PARP1: variants seen among roughly 807,000 people sequenced by gnomAD.
The protein encoded by PARP1 is poly(ADP-ribose) polymerase 1.
In PARP1, 44 loss-of-function variants were observed where a neutral mutation model predicts 118.7. The observed-to-expected ratio is 0.37, with a 90% confidence interval of 0.29 to 0.48. The LOEUF (loss-of-function observed/expected upper bound fraction) is 0.48. Ranked by LOEUF, PARP1 falls within the 20% of genes least tolerant of loss-of-function variation. The pLI is 0.99. For missense variants in PARP1, 1,100 were observed against 1,272.4 expected (o/e 0.86, Z 2.06); for synonymous variants, 492 against 483.2 (o/e 1.02, Z -0.24).
At chr1:226,369,709 C>A (rs1664339067) in intron 15 of PARP1, among the ~76,000 whole-genome samples, 1 of 152,012 alleles carries the variant, frequency 6.6e-6, no homozygotes, top group African/African-American at 2.4e-5. Context: ...AATCCCAGCA[C>A]TTTGGGAGGC....
At chr1:226,368,859 TGGTGCTCTATATGCAAA>T (rs1369559726) in intron 15 of PARP1, among the ~76,000 whole-genome samples, 1 of 152,194 alleles carries the variant, frequency 6.6e-6, no homozygotes, top group Non-Finnish European at 1.5e-5. Flanking sequence ...CAGTGTCACT[TGGTGCTCTATATGCAAA>T]GGGTGCACAA....
intron 9 of PARP1, 142 bp downstream of exon 9, chr1:226,380,926 T>C: frequency 1.1e-6 from 1 of 916,456 alleles, no homozygotes. Flanking sequence ...AATACTGGTT[T>C]CCCTTCATAA....
At chr1:226,370,556 T>G in intron 14 of PARP1, 39 bp from the exon 15 acceptor site, 1 of 1,520,892 alleles carries the variant, frequency 6.6e-7, no homozygotes, top group South Asian at 1.1e-5. Flanking sequence ...AGCTGGGCAC[T>G]GTGCAGTGTG....
chr1:226,373,984 C>A (rs1187705405), intron 14 of PARP1, among the ~76,000 whole-genome samples: 1 of 152,030 alleles, frequency 6.6e-6, no homozygotes, highest in African/African-American at 2.4e-5. Context: ...GACTAGGGAC[C>A]AGGAACAACT....
At chr1:226,391,754 G>A (rs1453024376) in intron 3 of PARP1, among the ~76,000 whole-genome samples, 2 of 152,170 alleles carry the variant, frequency 1.3e-5, no homozygotes, top group Non-Finnish European at 2.9e-5. Flanking sequence ...CCTTCTACCT[G>A]TGTGTCCATC....
intron 7 of PARP1, 137 bp from the exon 8 acceptor site, chr1:226,383,320 A>G: frequency 2.8e-6 from 2 of 720,754 alleles, no homozygotes; most frequent in Non-Finnish European, 4.8e-6. Context: ...AAAAAATAGA[A>G]AAATGTGAGG....
At position 226,360,853 on chromosome 1, in the gene PARP1, A is replaced by G. The variant is rs8679; in HGVS notation, c.*607T>C. The G allele has an allele frequency of 0.18, 40,832 of 227,816 alleles. 4,488 individuals are homozygous for G. Among genetic ancestry groups the G allele is most frequent in the Middle Eastern group, 0.28 (210 of 756 alleles). The allele number at this position is 227,816 out of a possible 1,614,324, so 14.1% of individuals were successfully genotyped here. On this transcript the variant is annotated 3_prime_UTR_variant, in exon 23 of 23. Coordinates refer to ENST00000366794, the MANE Select transcript of PARP1 (RefSeq NM_001618.4). ...TATTTCAAGAGCTCCCATGTTCAGT[A>G]TTCCTGGAGAAGGAAAGCTCTTTTT...
chr1:226,360,971 C>T lies in PARP1; in HGVS notation c.*489G>A, dbSNP rs1476775827. On this transcript the variant is annotated 3_prime_UTR_variant, in exon 23 of 23. Transcript: ENST00000366794. ...CAAACAAAAAAAACTAAAAAGGGGA[C>T]AATAAGTGCAAGATAAAAAAGAAAA... 8.8e-6 allele frequency: 2 copies of T among 227,004 alleles called. No homozygotes were observed. Among genetic ancestry groups the T allele is most frequent in the Non-Finnish European group, 1.8e-5 (2 of 113,840 alleles). The allele number at this position is 227,004 out of a possible 1,614,324, so 14.1% of individuals were successfully genotyped here.
At chr1:226,374,545 ACT>A (rs898133441) in intron 13 of PARP1, among the ~76,000 whole-genome samples, 191 bp from the exon 14 acceptor site, 2 of 152,002 alleles carry the variant, frequency 1.3e-5, no homozygotes, top group Admixed American at 1.3e-4. Flanking sequence ...CATGGGTCAG[ACT>A]CTTCCTGTGC....
chr1:226,385,756 G>A (rs1296643780), intron 6 of PARP1, 76 bp from the exon 7 acceptor site: 3 of 1,326,414 alleles, frequency 2.3e-6, no homozygotes, highest in Non-Finnish European at 3.2e-6. Context: ...GTGGGATGGA[G>A]GAACTTGCAC....
chr1:226,389,251 G>A (rs1299720701), intron 4 of PARP1, among the ~76,000 whole-genome samples: 3 of 151,888 alleles, frequency 2.0e-5, no homozygotes, highest in African/African-American at 7.3e-5. Context: ...ACAGAGGTGG[G>A]GCTGTACTGC....
At chr1:226,371,995 G>A (rs1417799322) in intron 14 of PARP1, among the ~76,000 whole-genome samples, 1 of 152,222 alleles carries the variant, frequency 6.6e-6, no homozygotes, top group Non-Finnish European at 1.5e-5. Flanking sequence ...GAGAGAAACA[G>A]AAAAGTGGGA....
chr1:226,390,620 T>C lies in PARP1; in HGVS notation c.407A>G (p.Gln136Arg), dbSNP rs1394109227. 6.2e-7 allele frequency: 1 copy of C among 1,613,874 alleles called. No homozygotes were observed. Among genetic ancestry groups the C allele is most frequent in the Non-Finnish European group, 8.5e-7 (1 of 1,179,904 alleles). Residue 136 changes from glutamine to arginine, a missense_variant, in exon 4 of 23, where the codon CAG becomes CGG. Coordinates refer to ENST00000366794, the MANE Select transcript of PARP1 (RefSeq NM_001618.4). Reference protein sequence around the residue: ...KGCMEKIEKGQVRLSKKMVDP... With the variant: ...KGCMEKIEKGRVRLSKKMVDP... ...CACCATCTTCTTGGACAGGCGCACC[T>C]GGCCCTGCAGGAAAAACCATATGTG...
intron 1 of PARP1, among the ~76,000 whole-genome samples, chr1:226,403,602 C>A (rs899454504): frequency 6.6e-6 from 1 of 152,214 alleles, no homozygotes. Context: ...TGGGTGGGAA[C>A]CAGCCCTTTC....
chr1:226,389,737 G>C (rs565301420), intron 4 of PARP1, among the ~76,000 whole-genome samples: 1 of 152,262 alleles, frequency 6.6e-6, no homozygotes, highest in Admixed American at 6.5e-5. Context: ...AATGTGTGAT[G>C]GCTGCTTGAT....
intron 21 of PARP1, 38 bp from the exon 22 acceptor site, chr1:226,362,121 T>C: frequency 8.7e-7 from 1 of 1,155,500 alleles, no homozygotes; most frequent in African/African-American, 1.5e-5. Context: ...GAACTGTGAG[T>C]ACAGATGTGG....
intron 9 of PARP1, among the ~76,000 whole-genome samples, chr1:226,380,581 T>G (rs1664584973): frequency 6.6e-6 from 1 of 152,222 alleles, no homozygotes; most frequent in Non-Finnish European, 1.5e-5. Context: ...TTTTGGCAGA[T>G]ATCTATGCAC....
chr1:226,397,352 C>T (rs1664944206), intron 2 of PARP1, among the ~76,000 whole-genome samples: 4 of 151,988 alleles, frequency 2.6e-5, no homozygotes, highest in Admixed American at 1.3e-4. Flanking sequence ...CCTCTGAACC[C>T]TTTCTTGGCA....
intron 13 of PARP1, 118 bp from the exon 14 acceptor site, chr1:226,374,472 A>G: frequency 1.7e-6 from 2 of 1,185,218 alleles, no homozygotes. Context: ...CAGCAAAAAA[A>G]GCTGAGTGTT....
Sources: gnomAD v4.1 joint callset for allele counts (sites outside exome capture counted in the v4.1 genomes callset) on GRCh38, gnomAD v4.1.1 for gene constraint, MANE v1.5 for transcripts, NCBI Gene and HGNC (gene_info 2026-07-23, HGNC 2026-07-21) for gene names.